The following CAMK4 variants were observed in gnomAD, a reference collection of about 807,000 sequenced individuals.
The protein encoded by CAMK4 is calcium/calmodulin-dependent protein kinase type IV.
In CAMK4, 22 loss-of-function variants were observed where a neutral mutation model predicts 44.9. The observed-to-expected ratio is 0.49, with a 90% CI of 0.35 to 0.70. The LOEUF (loss-of-function observed/expected upper bound fraction) is 0.70. Ranked by LOEUF, CAMK4 falls within the 30% of genes least tolerant of loss-of-function variation. The pLI is 0.01. For synonymous variants in CAMK4, 218 were observed against 215.4 expected, an observed-to-expected ratio of 1.01 and a Z score of -0.11; for missense variants, 498 against 586.8, an observed-to-expected ratio of 0.85 and a Z score of 1.56.
At chr5:111,422,167 A>G (rs960735410) in intron 5 of CAMK4, among the ~76,000 whole-genome samples, 2 of 152,206 alleles carry the variant, frequency 1.3e-5, no homozygotes, top group African/African-American at 4.8e-5. Context: ...ACATTCCTCT[A>G]TATTCTTCTA....
At chr5:111,230,813 CT>C (rs200102062) in intron 1 of CAMK4, among the ~76,000 whole-genome samples, 24 of 150,016 alleles carry the variant, frequency 1.6e-4, no homozygotes, top group Admixed American at 5.3e-4. Context: ...TTTTTTTCCT[CT>C]TTTTTTTTAA....
rs139004418 is a variant in CAMK4, at chr5:111,486,542, C to CACACACACACACACAAT, written c.*2076_*2077insACACACACACACACAAT. The CACACACACACACACAAT allele has an allele frequency of 4.1e-5, 6 of 147,348 alleles. No homozygotes were observed. The highest frequency in any genetic ancestry group is 1.5e-4 in the African/African-American group (6 of 39,874). 9.1% of individuals were successfully genotyped at this position (147,348 alleles called of 1,614,324 possible). A position where few individuals can be genotyped will look rare whatever the true frequency, so the allele number is the denominator to read the frequency against. ...ACACACACACACACACACACACACA[C>CACACACACACACACAAT]GTGTTGGAAGAGCAAAGAGAGGGAA... On this transcript the variant is annotated 3_prime_UTR_variant, in exon 11 of 11. Transcript: ENST00000282356.
At chr5:111,371,417 T>TA (rs1262263641) in intron 2 of CAMK4, among the ~76,000 whole-genome samples, 2 of 152,326 alleles carry the variant, frequency 1.3e-5, no homozygotes, top group Non-Finnish European at 2.9e-5. Flanking sequence ...AATTCATTTG[T>TA]AACTTGCATT....
intron 8 of CAMK4, among the ~76,000 whole-genome samples, chr5:111,477,921 A>T (rs1755301787): frequency 6.6e-6 from 1 of 152,106 alleles, no homozygotes. Context: ...TCCACTTTTT[A>T]ATTTCTTTAC....
At chr5:111,388,042 G>A (rs961712876) in intron 4 of CAMK4, among the ~76,000 whole-genome samples, 1 of 152,176 alleles carries the variant, frequency 6.6e-6, no homozygotes, top group East Asian at 1.9e-4. Flanking sequence ...AAAATGGGAT[G>A]TCTGAGTTTC....
In CAMK4 at chr5:111,224,939, G is replaced by C. The variant is rs907698888; in HGVS notation, c.161+295G>C. 2.6e-5 allele frequency among the ~76,000 whole-genome samples: 4 copies of C among 151,568 alleles called. No homozygotes were observed. Among genetic ancestry groups the C allele is most frequent in the Admixed American group, 2.6e-4 (4 of 15,218 alleles). ...ACAGCTCCCACCGCACGTGGGCCCT[G>C]CTTTCCCAATTGATATCTTTGCTCA... On this transcript the variant is annotated intron_variant, in intron 1 of 10. Coordinates refer to ENST00000282356, the MANE Select transcript of CAMK4 (RefSeq NM_001744.6). This position sits in a 1 kb window ranked among gnomAD's most constrained non-coding sequence, Gnocchi z 5.7.
intron 7 of CAMK4, among the ~76,000 whole-genome samples, chr5:111,454,570 A>G (rs1431054164): frequency 2.0e-5 from 3 of 152,070 alleles, no homozygotes; most frequent in African/African-American, 4.8e-5. Flanking sequence ...TTAGTGTTCA[A>G]AAATAACCCA....
intron 1 of CAMK4, among the ~76,000 whole-genome samples, chr5:111,298,971 C>G (rs1747606832): frequency 6.6e-6 from 1 of 152,232 alleles, no homozygotes. Flanking sequence ...TCTCTAGGCT[C>G]TGGCCTATGC....
intron 7 of CAMK4, among the ~76,000 whole-genome samples, chr5:111,467,109 G>A (rs1392318541): frequency 6.6e-6 from 1 of 152,144 alleles, no homozygotes; most frequent in African/African-American, 2.4e-5. Flanking sequence ...TTCGACAAAT[G>A]GTGATGGGAT....
At chr5:111,256,074 T>C (rs1749732163) in intron 1 of CAMK4, among the ~76,000 whole-genome samples, 1 of 152,168 alleles carries the variant, frequency 6.6e-6, no homozygotes, top group Non-Finnish European at 1.5e-5. Context: ...AATGATCCTG[T>C]CTTACATCCA....
chr5:111,456,523 TC>T (rs1754424201), intron 7 of CAMK4, among the ~76,000 whole-genome samples: 1 of 151,666 alleles, frequency 6.6e-6, no homozygotes, highest in Non-Finnish European at 1.5e-5. Flanking sequence ...AATAAAAATT[TC>T]CCCCTAAGAT....
chr5:111,402,565 G>A (rs1752269537), intron 5 of CAMK4, among the ~76,000 whole-genome samples: 1 of 152,126 alleles, frequency 6.6e-6, no homozygotes, highest in African/African-American at 2.4e-5. Context: ...CTTCCACTTT[G>A]ACCTCTTATT....
chr5:111,279,766 C>A (rs1025877249), intron 1 of CAMK4, among the ~76,000 whole-genome samples: 1 of 152,030 alleles, frequency 6.6e-6, no homozygotes, highest in African/African-American at 2.4e-5. Flanking sequence ...TATATTTACC[C>A]ATAGTTTTTG....
At chr5:111,409,584 C>G (rs1297364968) in intron 5 of CAMK4, among the ~76,000 whole-genome samples, 1 of 152,228 alleles carries the variant, frequency 6.6e-6, no homozygotes, top group Non-Finnish European at 1.5e-5. Context: ...CTTCTCATTA[C>G]TTATGCAAAT....
At chr5:111,299,506 AAGAC>A (rs1253186207) in intron 1 of CAMK4, among the ~76,000 whole-genome samples, 2 of 152,234 alleles carry the variant, frequency 1.3e-5, no homozygotes, top group Non-Finnish European at 2.9e-5. Context: ...AGTTAGTACA[AAGAC>A]AGAAAAGAAG....
intron 5 of CAMK4, among the ~76,000 whole-genome samples, chr5:111,418,239 A>G (rs1212287353): frequency 1.3e-5 from 2 of 152,210 alleles, no homozygotes; most frequent in African/African-American, 4.8e-5. Flanking sequence ...AAAAACCAGC[A>G]AGTTCTTATT....
In CAMK4 at chr5:111,458,939, A is replaced by G. The variant is rs142355058; in HGVS notation, c.625+9736A>G. On this transcript the variant is annotated intron_variant, in intron 7 of 10. Coordinates refer to ENST00000282356, the MANE Select transcript of CAMK4 (RefSeq NM_001744.6). ...ACTAACAACTGAGGGAATGGAGTTA[A>G]CATTTCCTGAGATGGGAAGACATCG... 1.2e-4 allele frequency among the ~76,000 whole-genome samples: 18 copies of G among 152,322 alleles called. No individual in the cohort carries two copies. The East Asian group carries it at 2.7e-3, about 23-fold the overall frequency.
Position 111,344,417 on chromosome 5 carries a change from T to C in CAMK4, c.240+315T>C, listed in dbSNP as rs7447853. Among the ~76,000 whole-genome samples, 875 of 145,652 alleles carry C rather than the reference T, an allele frequency of 6.0e-3. 8 individuals are homozygous for C. The highest frequency in any genetic ancestry group is 0.02 in the African/African-American group (792 of 39,746). ...GATTTTATATATATATATATGTATA[T>C]ACACACACACACACATACACACACA... On this transcript the variant is annotated intron_variant, in intron 2 of 10. Coordinates refer to ENST00000282356, the MANE Select transcript of CAMK4 (RefSeq NM_001744.6).
At chr5:111,360,285 C>T (rs1355012294) in intron 2 of CAMK4, among the ~76,000 whole-genome samples, 2 of 152,094 alleles carry the variant, frequency 1.3e-5, no homozygotes, top group Non-Finnish European at 2.9e-5. Flanking sequence ...TTATTTCCCA[C>T]TGGCCTCTGG....
Sources: gnomAD v4.1 joint callset for allele counts (sites outside exome capture counted in the v4.1 genomes callset) on GRCh38, gnomAD v4.1.1 for gene constraint, Gnocchi (gnomAD v3.1) non-coding constraint, MANE v1.5 for transcripts, NCBI Gene and HGNC (gene_info 2026-07-23, HGNC 2026-07-21) for gene names.